Variants in ZBTB40 observed in about 807,000 individuals in gnomAD.
ZBTB40 encodes the protein zinc finger and BTB domain containing 40.
In ZBTB40, 60 loss-of-function variants were observed where a neutral mutation model predicts 117.5. The observed-to-expected ratio is 0.51, with a 90% CI of 0.41 to 0.63. The LOEUF (loss-of-function observed/expected upper bound fraction) is 0.63, where lower values mean the gene tolerates loss of function less well. ZBTB40 is among the 30% of genes least tolerant of loss of function. ZBTB40 has a pLI of 0.00. For synonymous variants in ZBTB40, 525 were observed against 577.1 expected, an observed-to-expected ratio of 0.91 and a Z score of 1.29; for missense variants, 1,287 against 1,498.5, an observed-to-expected ratio of 0.86 and a Z score of 2.33.
intron 1 of ZBTB40, among the ~76,000 whole-genome samples, chr1:22,479,803 G>A (rs193286594): frequency 1.3e-5 from 2 of 152,174 alleles, no homozygotes; most frequent in East Asian, 3.9e-4. Context: ...CTTATAAGCA[G>A]TTTTCTCAGA....
rs931212155 is a variant in ZBTB40 at position 22,528,737 on chromosome 1, T to C, written c.*2341T>C. 6.6e-6 allele frequency: 1 copy of C among 150,796 alleles called. No homozygotes were observed. The highest frequency in any genetic ancestry group is 1.5e-5 in the Non-Finnish European group (1 of 67,856). 9.3% of individuals were successfully genotyped at this position (150,796 alleles called of 1,614,324 possible). On this transcript the variant is annotated 3_prime_UTR_variant, in exon 18 of 18. Coordinates refer to ENST00000375647, the MANE Select transcript of ZBTB40 (RefSeq NM_014870.4). ...TTTTTGTAGAGACAGGGTCTCGCCA[T>C]GTTGCCCAGGCTGGTTTAAAACTCC...
chr1:22,483,451 A>G (rs961118048), intron 1 of ZBTB40, among the ~76,000 whole-genome samples: 9 of 152,188 alleles, frequency 5.9e-5, no homozygotes. Context: ...CCTCGTCAGC[A>G]TTTAGTATTC....
chr1:22,522,614 C>T, intron 16 of ZBTB40, 151 bp downstream of exon 16: 2 of 767,648 alleles, frequency 2.6e-6, no homozygotes, highest in Non-Finnish European at 4.5e-6. Flanking sequence ...TAGCACCTGC[C>T]TCATAGAGTA....
intron 9 of ZBTB40, 41 bp downstream of exon 9, chr1:22,509,274 A>T: frequency 6.2e-7 from 1 of 1,613,590 alleles, no homozygotes; most frequent in Non-Finnish European, 8.5e-7. Context: ...AGAGTTTTAC[A>T]GTTGTTGCCT....
At chr1:22,524,770 G>T (rs1247561028) in intron 17 of ZBTB40, among the ~76,000 whole-genome samples, 2 of 152,240 alleles carry the variant, frequency 1.3e-5, no homozygotes, top group Non-Finnish European at 2.9e-5. Context: ...GGAACACTTT[G>T]TTGGGCAGGG....
At chr1:22,452,712 A>G (rs985427837) in intron 1 of ZBTB40, 1 of 152,318 alleles carries the variant, frequency 6.6e-6, no homozygotes, top group African/African-American at 2.4e-5. Flanking sequence ...CAGTGTTGTC[A>G]TTCAGCTATT....
At chr1:22,444,643 A>G (rs949910953) in intron 1 of ZBTB40, among the ~76,000 whole-genome samples, 16 of 152,194 alleles carry the variant, frequency 1.1e-4, no homozygotes, top group African/African-American at 3.9e-4. Flanking sequence ...TCAAGTGAGC[A>G]TGCGTACGAC....
intron 1 of ZBTB40, among the ~76,000 whole-genome samples, chr1:22,430,042 A>C (rs1391512536): frequency 6.6e-6 from 1 of 152,208 alleles, no homozygotes; most frequent in Non-Finnish European, 1.5e-5. Context: ...TTTTTGATAA[A>C]GTTCTTTTAT....
chr1:22,526,147 C>G, intron 17 of ZBTB40, 55 bp from the exon 18 acceptor site: 2 of 1,591,962 alleles, frequency 1.3e-6, no homozygotes, highest in Middle Eastern at 1.7e-4. Flanking sequence ...CCATGTAAAT[C>G]AGGGAGCCAA....
chr1:22,445,047 A>G (rs558487492), intron 1 of ZBTB40, among the ~76,000 whole-genome samples: 2 of 152,300 alleles, frequency 1.3e-5, no homozygotes, highest in East Asian at 3.9e-4. Flanking sequence ...TGATTTAGGT[A>G]CGTTCCTTAG....
Position 22,506,251 on chromosome 1 carries a change from A to G in ZBTB40, c.1360+10A>G, listed in dbSNP as rs1048688293. On this transcript the variant is annotated intron_variant, in intron 6 of 17. Transcript: ENST00000375647. ...TTGCCAAGCACCACAGGTATTAGTA[A>G]ATTGTTGACTCTCTGGACTGGAACC... The G allele has an allele frequency of 2.5e-6, 4 of 1,613,646 alleles. No homozygotes were observed. Among genetic ancestry groups the G allele is most frequent in the Non-Finnish European group, 3.4e-6 (4 of 1,179,896 alleles).
chr1:22,471,854 A>T (rs1435147515), intron 1 of ZBTB40, among the ~76,000 whole-genome samples: 2 of 152,224 alleles, frequency 1.3e-5, no homozygotes, highest in African/African-American at 4.8e-5. Flanking sequence ...CACACCACGT[A>T]GGCCCACACG....
At chr1:22,451,080 A>G (rs1225259321), upstream of ZBTB40, among the ~76,000 whole-genome samples, 2 of 152,224 alleles carry the variant, frequency 1.3e-5, no homozygotes, top group Non-Finnish European at 2.9e-5. Flanking sequence ...AAAATGAGCA[A>G]AAGAAAAGCT....
intron 1 of ZBTB40, among the ~76,000 whole-genome samples, chr1:22,445,575 C>A (rs971461991): frequency 6.6e-6 from 1 of 152,036 alleles, no homozygotes; most frequent in Non-Finnish European, 1.5e-5. Flanking sequence ...AACAAAAAAC[C>A]GGCCAGGCAC....
At chr1:22,463,127 G>T (rs538403015) in intron 1 of ZBTB40, among the ~76,000 whole-genome samples, 9 of 152,264 alleles carry the variant, frequency 5.9e-5, no homozygotes, top group Admixed American at 2.0e-4. Flanking sequence ...CATATGAGAA[G>T]ACTGAGGCCA....
intron 3 of ZBTB40, among the ~76,000 whole-genome samples, chr1:22,498,964 C>T (rs1242142276): frequency 6.6e-6 from 1 of 152,202 alleles, no homozygotes; most frequent in East Asian, 1.9e-4. Context: ...ACAAATTGCT[C>T]TAAAATCTAG....
chr1:22,462,164 T>C (rs999480353), intron 1 of ZBTB40, among the ~76,000 whole-genome samples: 3 of 152,202 alleles, frequency 2.0e-5, no homozygotes, highest in Non-Finnish European at 2.9e-5. Context: ...ATCAAAAAAG[T>C]AGGAGAAAGA....
At position 22,480,177 on chromosome 1, in the gene ZBTB40, A is replaced by G. The variant is rs190405468; in HGVS notation, c.-69-9703A>G. Among the ~76,000 whole-genome samples, 1,291 of 152,198 alleles carry G rather than the reference A, an allele frequency of 8.5e-3. 22 individuals are homozygous for G. Among genetic ancestry groups the G allele is most frequent in the African/African-American group, 0.029 (1,188 of 41,532 alleles). On this transcript the variant is annotated intron_variant, in intron 1 of 17. Transcript: ENST00000375647. ...TGCCTCGGCCTCCCAAAGTGCTGGG[A>G]TTACAGGCGTGAGCCACTGCGCCCA...
At position 22,513,491 on chromosome 1, in the gene ZBTB40, G is replaced by A. The variant is rs998336150; in HGVS notation, c.2668+361G>A. Among the ~76,000 whole-genome samples, 15 of 152,106 alleles carry A rather than the reference G, an allele frequency of 9.9e-5. No homozygotes were observed. Among genetic ancestry groups the A allele is most frequent in the African/African-American group, 3.6e-4 (15 of 41,428 alleles). On this transcript the variant is annotated intron_variant, in intron 12 of 17. Transcript: ENST00000375647. The surrounding 1 kb of genome is among the most constrained non-coding windows in gnomAD (Gnocchi z 4.9). The stretch of plus-strand genomic sequence containing the variant: ...TGAGGCAGGCGGATCACAAGGTCAG[G>A]AGATTGAGACCATCCTGGCTAACAT...
Sources: gnomAD v4.1 joint callset for allele counts (sites outside exome capture counted in the v4.1 genomes callset) on GRCh38, gnomAD v4.1.1 for gene constraint, Gnocchi (gnomAD v3.1) non-coding constraint, MANE v1.5 for transcripts, NCBI Gene and HGNC (gene_info 2026-07-23, HGNC 2026-07-21) for gene names.